MBD5: variants seen among roughly 807,000 people sequenced by gnomAD.
MBD5 encodes the protein methyl-CpG binding domain protein 5, also known as methyl-CpG-binding domain protein 5.
Under a neutral mutation model 117.3 loss-of-function variants are expected in MBD5, and 13 were observed. The observed-to-expected ratio is 0.11, with a 90% CI of 0.07 to 0.18. The LOEUF (loss-of-function observed/expected upper bound fraction) is 0.18, where lower values mean the gene tolerates loss of function less well. Among genes scored for constraint, MBD5 ranks in the 10% least tolerant of loss-of-function variants. MBD5 has a pLI of 1.00. For missense variants in MBD5, 1,879 were observed against 2,093.8 expected (o/e 0.90, Z 2.00); for synonymous variants, 727 against 766.4 (o/e 0.95, Z 0.85).
chr2:148,022,802 A>G (rs1453752514), intron 1 of MBD5, among the ~76,000 whole-genome samples: 1 of 152,216 alleles, frequency 6.6e-6, no homozygotes, highest in Non-Finnish European at 1.5e-5. Context: ...TCAGTTAGCT[A>G]TAAATTGAAA....
chr2:148,317,763 C>A (rs1426559787), intron 3 of MBD5, among the ~76,000 whole-genome samples: 1 of 152,146 alleles, frequency 6.6e-6, no homozygotes. Flanking sequence ...TCCAGTTCCA[C>A]CCATGTTGCT....
At chr2:148,151,546 A>T (rs1190406671) in intron 1 of MBD5, among the ~76,000 whole-genome samples, 1 of 152,192 alleles carries the variant, frequency 6.6e-6, no homozygotes, top group African/African-American at 2.4e-5. Flanking sequence ...CCTCTGGTAA[A>T]ATTCGGCATG....
intron 2 of MBD5, among the ~76,000 whole-genome samples, chr2:148,214,696 T>C (rs1483404741): frequency 6.6e-6 from 1 of 152,160 alleles, no homozygotes; most frequent in Admixed American, 6.5e-5. Flanking sequence ...ATTATGGAAG[T>C]AAATAAAAAG....
At chr2:148,447,178 G>A (rs62184008) in intron 4 of MBD5, among the ~76,000 whole-genome samples, 286 of 137,712 alleles carry the variant, frequency 2.1e-3, no homozygotes, top group African/African-American at 7.6e-3. Context: ...AAAGGAAGAA[G>A]GAAAGAAAGA....
intron 2 of MBD5, among the ~76,000 whole-genome samples, chr2:148,226,194 T>A (rs545067855): frequency 1.3e-5 from 2 of 152,204 alleles, no homozygotes; most frequent in East Asian, 3.9e-4. Context: ...ATATGTGCCA[T>A]GTTGGTGTGC....
chr2:148,319,368 T>C (rs7557824), intron 3 of MBD5, among the ~76,000 whole-genome samples: 2,995 of 152,348 alleles, frequency 0.02, 108 homozygotes, highest in African/African-American at 0.069. Flanking sequence ...TTAACAATAC[T>C]GATTCTTCCA....
intron 2 of MBD5, among the ~76,000 whole-genome samples, chr2:148,208,587 T>C (rs1333205134): frequency 6.6e-6 from 1 of 152,052 alleles, no homozygotes; most frequent in African/African-American, 2.4e-5. Context: ...CTCATCTCTT[T>C]TAGGTGAAAT....
chr2:148,068,544 A>G (rs145766877), intron 1 of MBD5: 250 of 152,284 alleles, frequency 1.6e-3, no homozygotes, highest in African/African-American at 5.6e-3. Context: ...ATATGTTCTG[A>G]ATCTAAGAGC....
At position 148,406,852 on chromosome 2, in the gene MBD5, T is replaced by G. The variant is rs117182432; in HGVS notation, c.-556-51351T>G. Among the ~76,000 whole-genome samples the G allele has an allele frequency of 8.7e-4, 133 of 152,298 alleles. 3 individuals are homozygous for G. In the East Asian group the frequency reaches 0.025, roughly 28 times the overall value. On this transcript the variant is annotated intron_variant, in intron 4 of 13. Coordinates refer to ENST00000642680, the MANE Select transcript of MBD5 (RefSeq NM_001378120.1). The stretch of plus-strand genomic sequence containing the variant: ...GTCAGCTTCTTTCTCATCCTTTAGG[T>G]CTTGTTGAAATGCCACCCTCTCAGA...
chr2:148,442,897 A>G (rs1706370803), intron 4 of MBD5, among the ~76,000 whole-genome samples: 1 of 151,452 alleles, frequency 6.6e-6, no homozygotes, highest in Non-Finnish European at 1.5e-5. Context: ...GACAAATAGG[A>G]CCACATCAAG....
At chr2:148,403,743 C>G (rs996817792) in intron 4 of MBD5, among the ~76,000 whole-genome samples, 1 of 151,970 alleles carries the variant, frequency 6.6e-6, no homozygotes, top group South Asian at 2.1e-4. Context: ...TCTACCTGCA[C>G]TCATATCTGT....
At chr2:148,302,429 A>G (rs1701793764) in intron 3 of MBD5, among the ~76,000 whole-genome samples, 1 of 152,220 alleles carries the variant, frequency 6.6e-6, no homozygotes, top group Admixed American at 6.5e-5. Context: ...TAAGACACAG[A>G]ACAGGCTAGA....
intron 2 of MBD5, among the ~76,000 whole-genome samples, chr2:148,231,197 C>A (rs1699976832): frequency 6.6e-6 from 1 of 152,200 alleles, no homozygotes; most frequent in Admixed American, 6.5e-5. Flanking sequence ...TTAGCCTGCA[C>A]TGATGAGGCT....
intron 2 of MBD5, among the ~76,000 whole-genome samples, chr2:148,184,553 C>T (rs561252735): frequency 7.9e-5 from 12 of 152,002 alleles, no homozygotes; most frequent in Admixed American, 2.0e-4. Context: ...TATTATATGC[C>T]GCTAATATCT....
intron 1 of MBD5, among the ~76,000 whole-genome samples, chr2:148,061,651 A>C (rs941241716): frequency 1.3e-5 from 2 of 151,260 alleles, no homozygotes; most frequent in African/African-American, 2.4e-5. Context: ...TGTGTGTGTC[A>C]TCTGTGTGTG....
Position 148,153,178 on chromosome 2 carries a change from T to A in MBD5, c.-924-25522T>A, listed in dbSNP as rs1417278241. 2.0e-5 allele frequency among the ~76,000 whole-genome samples: 3 copies of A among 151,386 alleles called. No homozygotes were observed. In the East Asian group the frequency reaches 6.0e-4, roughly 30 times the overall value. On this transcript the variant is annotated intron_variant, in intron 1 of 13. Coordinates refer to ENST00000642680, the MANE Select transcript of MBD5 (RefSeq NM_001378120.1). ...AGCATTTGCTTGTCTGTAAAGTATT[T>A]TATTTCTCCTTCACTTATGAAGCTT... is the stretch of plus-strand genomic sequence containing the variant.
chr2:148,349,809 C>A (rs906373237), intron 4 of MBD5, among the ~76,000 whole-genome samples: 6 of 151,960 alleles, frequency 3.9e-5, no homozygotes, highest in African/African-American at 1.4e-4. Flanking sequence ...TCTCTTAAAT[C>A]TTATATTACT....
intron 1 of MBD5, among the ~76,000 whole-genome samples, chr2:148,082,172 A>G (rs1393651367): frequency 1.3e-5 from 2 of 152,076 alleles, no homozygotes; most frequent in Non-Finnish European, 2.9e-5. Flanking sequence ...CTTTTCACAA[A>G]CCCCACACCT....
intron 3 of MBD5, among the ~76,000 whole-genome samples, chr2:148,268,758 A>T (rs2106332475): frequency 6.6e-6 from 1 of 151,698 alleles, no homozygotes; most frequent in East Asian, 1.9e-4. Context: ...TTCTTTTTTA[A>T]CCTATTATTA....
Sources: allele counts gnomAD v4.1 joint callset (sites outside exome capture counted in the v4.1 genomes callset), GRCh38; gene constraint gnomAD v4.1.1; transcripts MANE v1.5; gene names NCBI Gene and HGNC (gene_info 2026-07-23, HGNC 2026-07-21).